Variants in DPP10 observed in about 807,000 individuals in gnomAD.
DPP10 encodes the protein inactive dipeptidyl peptidase 10.
Under a neutral mutation model 120.9 loss-of-function variants are expected in DPP10, and 33 were observed. The observed-to-expected ratio is 0.27, with a 90% CI of 0.21 to 0.37. DPP10 has a LOEUF of 0.37. Among genes scored for constraint, DPP10 ranks in the 10% least tolerant of loss-of-function variants. The probability of loss-of-function intolerance (pLI) is 1.00; values close to 1 mark genes in which losing one functional copy is unlikely to be tolerated. For missense variants in DPP10, 816 were observed against 942.8 expected, an observed-to-expected ratio of 0.87 and a Z score of 1.76; for synonymous variants, 337 against 326.1, an observed-to-expected ratio of 1.03 and a Z score of -0.36.
intron 5 of DPP10, among the ~76,000 whole-genome samples, chr2:115,613,720 T>C (rs2084283185): frequency 6.6e-6 from 1 of 152,300 alleles, no homozygotes; most frequent in African/African-American, 2.4e-5. Flanking sequence ...TATGTTACTG[T>C]CTCAGTTCAT....
chr2:115,672,936 A>C lies in DPP10; in HGVS notation c.442-16751A>C, dbSNP rs1421281085. On this transcript the variant is annotated intron_variant, in intron 5 of 25. Coordinates refer to ENST00000410059, the MANE Select transcript of DPP10 (RefSeq NM_020868.6). ...TAAGTTTTTTGTATTTTTAGTAGAG[A>C]CTGGGTTGCACCACGCTGGCCAGGC... 2.0e-5 allele frequency among the ~76,000 whole-genome samples: 3 copies of C among 151,912 alleles called. No individual in the cohort carries two copies. The East Asian group carries it at 5.8e-4, about 29-fold the overall frequency.
intron 1 of DPP10, among the ~76,000 whole-genome samples, chr2:114,762,903 T>C (rs1348276146): frequency 2.6e-5 from 4 of 152,132 alleles, no homozygotes; most frequent in African/African-American, 9.7e-5. Flanking sequence ...TTTTTCAAAA[T>C]GTAGGGAAGG....
intron 3 of DPP10, among the ~76,000 whole-genome samples, chr2:115,436,235 G>A (rs2071478522): frequency 6.6e-6 from 1 of 151,800 alleles, no homozygotes; most frequent in Non-Finnish European, 1.5e-5. Context: ...ATAGTGACAT[G>A]TTGAACATAT....
intron 3 of DPP10, among the ~76,000 whole-genome samples, chr2:115,368,845 A>C (rs893293226): frequency 2.6e-5 from 4 of 151,698 alleles, no homozygotes; most frequent in African/African-American, 4.8e-5. Flanking sequence ...CTTTAAATAA[A>C]ATTTGACATC....
At chr2:115,353,069 C>A (rs1025899345) in intron 3 of DPP10, among the ~76,000 whole-genome samples, 1 of 151,758 alleles carries the variant, frequency 6.6e-6, no homozygotes, top group Non-Finnish European at 1.5e-5. Flanking sequence ...AAATAATAGG[C>A]CTAAAACAAT....
chr2:115,330,170 G>A (rs1316128961), intron 2 of DPP10, among the ~76,000 whole-genome samples: 1 of 151,952 alleles, frequency 6.6e-6, no homozygotes, highest in African/African-American at 2.4e-5. Flanking sequence ...GTTTTGATTT[G>A]CATTTCTCTG....
intron 3 of DPP10, among the ~76,000 whole-genome samples, chr2:115,405,722 A>T (rs2068457047): frequency 6.6e-6 from 1 of 152,210 alleles, no homozygotes; most frequent in South Asian, 2.1e-4. Flanking sequence ...GCCAAGGCTT[A>T]CGACTTTTGC....
intron 1 of DPP10, among the ~76,000 whole-genome samples, chr2:115,281,191 A>T (rs1324830279): frequency 6.6e-6 from 1 of 152,196 alleles, no homozygotes; most frequent in Admixed American, 6.5e-5. Flanking sequence ...AGAAGCTAGA[A>T]ATAGGTACCT....
chr2:115,121,515 G>A (rs2049823007), intron 1 of DPP10, among the ~76,000 whole-genome samples: 1 of 152,218 alleles, frequency 6.6e-6, no homozygotes. Flanking sequence ...GCCTTTATTG[G>A]ATTGGAGCCT....
At chr2:114,912,391 A>C (rs1187899181) in intron 1 of DPP10, among the ~76,000 whole-genome samples, 1 of 152,172 alleles carries the variant, frequency 6.6e-6, no homozygotes, top group Non-Finnish European at 1.5e-5. Flanking sequence ...TATTCAGTGA[A>C]GTTTGCTATG....
At chr2:115,335,671 C>G (rs1235212785) in intron 2 of DPP10, among the ~76,000 whole-genome samples, 4 of 152,024 alleles carry the variant, frequency 2.6e-5, no homozygotes, top group South Asian at 2.1e-4. Flanking sequence ...TTAATCTTGA[C>G]TATTGTGATT....
chr2:114,727,627 A>G (rs1676462827), intron 1 of DPP10, among the ~76,000 whole-genome samples: 1 of 152,202 alleles, frequency 6.6e-6, no homozygotes, highest in South Asian at 2.1e-4. Flanking sequence ...GATTTCAATC[A>G]GATATTCACT....
intron 1 of DPP10, among the ~76,000 whole-genome samples, chr2:115,261,423 C>G (rs1413463459): frequency 6.6e-6 from 1 of 152,166 alleles, no homozygotes; most frequent in African/African-American, 2.4e-5. Flanking sequence ...AATCTGGAAA[C>G]TTAAAAAAAT....
chr2:115,381,978 C>A (rs6740344), intron 3 of DPP10, among the ~76,000 whole-genome samples: 56,693 of 146,954 alleles, frequency 0.39, 11,564 homozygotes, highest in Non-Finnish European at 0.52. Context: ...GGGACATTTA[C>A]GTCTGCAGAG....
At chr2:115,460,811 A>G (rs528233637) in intron 3 of DPP10, among the ~76,000 whole-genome samples, 3 of 152,344 alleles carry the variant, frequency 2.0e-5, no homozygotes, top group Admixed American at 1.3e-4. Context: ...CAATTAAAGT[A>G]CTATCAAATG....
At chr2:115,479,595 TAAA>T (rs1208289564) in intron 3 of DPP10, among the ~76,000 whole-genome samples, 1 of 151,902 alleles carries the variant, frequency 6.6e-6, no homozygotes, top group African/African-American at 2.4e-5. Flanking sequence ...TTACTATAAT[TAAA>T]AAATGAGGAA....
At chr2:115,794,440 A>G (rs142451661) in intron 19 of DPP10, among the ~76,000 whole-genome samples, 7 of 152,340 alleles carry the variant, frequency 4.6e-5, no homozygotes, top group East Asian at 1.9e-4. Context: ...TTGCTTGGTC[A>G]TATGTTTTGA....
At chr2:114,509,476 T>C (rs1299097761) in intron 1 of DPP10, among the ~76,000 whole-genome samples, 5 of 152,162 alleles carry the variant, frequency 3.3e-5, no homozygotes, top group African/African-American at 9.7e-5. Flanking sequence ...GGTTACATGT[T>C]TGGAGGGTAG....
chr2:115,390,284 C>T (rs369543045), intron 3 of DPP10, among the ~76,000 whole-genome samples: 17 of 152,306 alleles, frequency 1.1e-4, no homozygotes, highest in East Asian at 9.6e-4. Context: ...AATCATCCAA[C>T]GAAATAAAGC....
Sources: gnomAD v4.1 joint callset for allele counts (sites outside exome capture counted in the v4.1 genomes callset) on GRCh38, gnomAD v4.1.1 for gene constraint, MANE v1.5 for transcripts, NCBI Gene and HGNC (gene_info 2026-07-23, HGNC 2026-07-21) for gene names.